Variants in CLECL1 observed in about 807,000 individuals in gnomAD.
CLECL1 encodes C-type lectin-like domain family 1.
At position 9,716,704 on chromosome 12, in the gene CLECL1, G is replaced by T. The variant is rs980415582; in HGVS notation, n.225C>A. Reference sequence around the variant, plus strand: ...AGACCCCAGAGACAGACATATGGATGCCTGTAGCCTCTGTCTCCTCAGCAC... The same window carrying T: ...AGACCCCAGAGACAGACATATGGATTCCTGTAGCCTCTGTCTCCTCAGCAC... On this transcript the variant is annotated non_coding_transcript_exon_variant, in exon 3 of 3. Coordinates refer to the CLECL1 transcript ENST00000540988. 3.3e-5 allele frequency: 35 copies of T among 1,046,758 alleles called. No individual in the cohort carries two copies. The Admixed American group carries it at 9.3e-4, about 28-fold the overall frequency. The allele number at this position is 1,046,758 out of a possible 1,614,324, so 64.8% of individuals were successfully genotyped here.
upstream of CLECL1, chr12:9,733,172 T>C (rs372501647): frequency 1.2e-4 from 201 of 1,613,820 alleles, no homozygotes; most frequent in Admixed American, 2.3e-4. Context: ...ACTTCCTCCA[T>C]GAATAAATGA....
chr12:9,732,956 C>T (rs780216106), exon 1 of CLECL1: 1 of 1,602,154 alleles, frequency 6.2e-7, no homozygotes, highest in South Asian at 1.1e-5. Context: ...TACCAGATCT[C>T]TGAAGTGGAA....
upstream of CLECL1, among the ~76,000 whole-genome samples, chr12:9,734,231 G>A (rs1866489203): frequency 1.3e-5 from 2 of 152,176 alleles, no homozygotes; most frequent in African/African-American, 4.8e-5. Flanking sequence ...AATAACTAGA[G>A]AACAGATCCT....
chr12:9,721,945 C>A (rs34633868), downstream of CLECL1, among the ~76,000 whole-genome samples: 1 of 151,978 alleles, frequency 6.6e-6, no homozygotes, highest in Non-Finnish European at 1.5e-5. Flanking sequence ...GGGACTTTTT[C>A]CCTCAGATGT....
At chr12:9,710,321 C>T in the CLECL1 span, among the ~76,000 whole-genome samples, 1 of 152,272 alleles carries the variant, frequency 6.6e-6, no homozygotes, top group Middle Eastern at 3.4e-3. Flanking sequence ...CCCAGGTAGA[C>T]CTCTCGGAAG....
At chr12:9,722,435 A>C, downstream of CLECL1, 1 of 977,684 alleles carries the variant, frequency 1.0e-6, no homozygotes, top group Non-Finnish European at 1.4e-6. Context: ...CTTGGTATAA[A>C]ACATAAAATG....
chr12:9,731,198 C>T (rs757215883), intron 1 of CLECL1, among the ~76,000 whole-genome samples: 1 of 152,300 alleles, frequency 6.6e-6, no homozygotes, highest in African/African-American at 2.4e-5. Flanking sequence ...TGATGACATT[C>T]CTTTATGCTT....
downstream of CLECL1, among the ~76,000 whole-genome samples, chr12:9,719,451 G>A (rs1320859020): frequency 3.3e-5 from 5 of 152,326 alleles, no homozygotes; most frequent in South Asian, 4.1e-4. Flanking sequence ...GCGTGAACCC[G>A]GGAAGTGGAG....
At chr12:9,714,431 T>TGTGG (rs1232800541), downstream of CLECL1, among the ~76,000 whole-genome samples, 1 of 152,104 alleles carries the variant, frequency 6.6e-6, no homozygotes, top group African/African-American at 2.4e-5. Context: ...TGTCCACATA[T>TGTGG]CCAGTATAAC....
At chr12:9,708,900 C>G in the CLECL1 span, 2 of 267,044 alleles carry the variant, frequency 7.5e-6, no homozygotes, top group South Asian at 1.0e-4. Flanking sequence ...TTCACCACTT[C>G]CAGCTTATAC....
At chr12:9,726,130 A>AG (rs1340445200) in intron 3 of CLECL1, among the ~76,000 whole-genome samples, 1 of 152,066 alleles carries the variant, frequency 6.6e-6, no homozygotes, top group African/African-American at 2.4e-5. Context: ...CAAATATTTC[A>AG]GGAAACAAGC....
downstream of CLECL1, chr12:9,722,619 G>C (rs748220988): frequency 1.3e-6 from 2 of 1,593,600 alleles, no homozygotes; most frequent in South Asian, 2.3e-5. Flanking sequence ...GGGGGATGCT[G>C]TCACCTCTAA....
chr12:9,731,675 T>A (rs989513552), intron 1 of CLECL1, among the ~76,000 whole-genome samples: 1 of 152,202 alleles, frequency 6.6e-6, no homozygotes, highest in Admixed American at 6.5e-5. Context: ...TGACTATAGG[T>A]AGGTAATTTA....
At chr12:9,732,719 G>C (rs192812928) in intron 1 of CLECL1, among the ~76,000 whole-genome samples, 1 of 152,110 alleles carries the variant, frequency 6.6e-6, no homozygotes, top group Non-Finnish European at 1.5e-5. Flanking sequence ...GAAATAGAAA[G>C]GCTATGAAAA....
downstream of CLECL1, among the ~76,000 whole-genome samples, chr12:9,714,158 G>T (rs188324549): frequency 4.7e-4 from 72 of 152,258 alleles, no homozygotes; most frequent in African/African-American, 1.4e-3. Context: ...TGTATGATTC[G>T]GTTGAGCATG....
downstream of CLECL1, chr12:9,722,479 ACCTC>A: frequency 7.5e-7 from 1 of 1,326,576 alleles, no homozygotes. Flanking sequence ...AAAAAAAAAA[ACCTC>A]AAAGGTAATC....
chr12:9,710,284 G>A, the CLECL1 span, among the ~76,000 whole-genome samples: 2 of 152,170 alleles, frequency 1.3e-5, no homozygotes, highest in Non-Finnish European at 2.9e-5. Flanking sequence ...CAGAGCCTCA[G>A]ATGATGGCTC....
upstream of CLECL1, among the ~76,000 whole-genome samples, chr12:9,733,814 T>C (rs957178509): frequency 3.9e-5 from 6 of 152,326 alleles, no homozygotes; most frequent in East Asian, 9.6e-4. Flanking sequence ...AAAATTCCAC[T>C]AAAATTGAAT....
At chr12:9,731,353 G>A (rs1166270661) in intron 1 of CLECL1, among the ~76,000 whole-genome samples, 2 of 152,162 alleles carry the variant, frequency 1.3e-5, no homozygotes, top group African/African-American at 4.8e-5. Context: ...TGAGGTGCTA[G>A]AAACACAAAG....
Sources: gnomAD v4.1 joint callset for allele counts (sites outside exome capture counted in the v4.1 genomes callset) on GRCh38, gnomAD v4.1.1 for gene constraint, MANE v1.5 for transcripts, NCBI Gene and HGNC (gene_info 2026-07-23, HGNC 2026-07-21) for gene names.